The following CLCC1 variants were observed in gnomAD, a reference collection of about 807,000 sequenced individuals.
CLCC1 encodes the protein chloride channel CLIC like 1, also known as chloride channel CLIC-like protein 1.
Under a neutral mutation model 63.3 loss-of-function variants are expected in CLCC1, and 39 were observed. The observed-to-expected ratio is 0.62, with a 90% CI of 0.48 to 0.81. CLCC1 has a LOEUF of 0.81. Ranked by LOEUF, CLCC1 falls within the 30% of genes least tolerant of loss-of-function variation. The pLI, the probability that CLCC1 is intolerant of heterozygous loss-of-function variation, is 0.00. For synonymous variants in CLCC1, 217 were observed against 239.8 expected, an observed-to-expected ratio of 0.90 and a Z score of 0.88; for missense variants, 549 against 669.4, an observed-to-expected ratio of 0.82 and a Z score of 1.98.
At position 108,950,463 on chromosome 1, in the gene CLCC1, A is replaced by AAT; in HGVS notation, c.-11-17_-11-16dup. 1.4e-6 allele frequency: 2 copies of AAT among 1,422,312 alleles called. No individual in the cohort carries two copies. The highest frequency in any genetic ancestry group is 9.4e-7 in the Non-Finnish European group (1 of 1,067,908). The allele number at this position is 1,422,312 out of a possible 1,614,324, so 88.1% of individuals were successfully genotyped here. A position where few individuals can be genotyped will look rare whatever the true frequency, so the allele number is the denominator to read the frequency against. ...CCTGTATAAGGCTAAAACAATTTTT[A>AAT]ATATATATAATGAAATAGAATTATT... On this transcript the variant is annotated splice_polypyrimidine_tract_variant and intron_variant, in intron 2 of 12. Transcript: ENST00000369969.
rs1327326059 is a variant in CLCC1 at position 108,931,693 on chromosome 1, TATG to T, written c.*851_*853del. ...ATTATGTTTCATGTATACTATAAGG[TATG>T]ATGTCCTGGATAGCATTTTAAAAAC... On this transcript the variant is annotated 3_prime_UTR_variant, in exon 13 of 13. Coordinates refer to ENST00000369969, the MANE Select transcript of CLCC1 (RefSeq NM_001377458.1). 7.5e-5 allele frequency: 45 copies of T among 598,130 alleles called. No homozygotes were observed. The highest frequency in any genetic ancestry group is 8.8e-5 in the Non-Finnish European group (35 of 398,206). 37.1% of individuals were successfully genotyped at this position (598,130 alleles called of 1,614,324 possible).
intron 2 of CLCC1, among the ~76,000 whole-genome samples, chr1:108,956,488 C>T (rs1471941066): frequency 1.3e-5 from 2 of 150,982 alleles, no homozygotes; most frequent in African/African-American, 4.9e-5. Context: ...AGTGAAACCC[C>T]GTCTCTACTA....
rs1213079898 is a variant in CLCC1, at chr1:108,931,216, A to G, written c.*1331T>C. ...GGTCAAGAACCTAGGACACATAAACAAACAGAAAACAGATGAAAACTCACA... is the reference window on the plus strand; with the variant it reads ...GGTCAAGAACCTAGGACACATAAACGAACAGAAAACAGATGAAAACTCACA... On this transcript the variant is annotated 3_prime_UTR_variant, in exon 13 of 13. Transcript: ENST00000369969. 45 of 1,302,620 alleles carry G rather than the reference A, an allele frequency of 3.5e-5. No homozygotes were observed. The highest frequency in any genetic ancestry group is 3.1e-6 in the Non-Finnish European group (3 of 978,056). 80.7% of individuals were successfully genotyped at this position (1,302,620 alleles called of 1,614,324 possible). A position where few individuals can be genotyped will look rare whatever the true frequency, so the allele number is the denominator to read the frequency against.
chr1:108,937,445 T>C (rs762409089), intron 10 of CLCC1, 27 bp from the exon 11 acceptor site: 4 of 1,524,728 alleles, frequency 2.6e-6, no homozygotes, highest in South Asian at 1.3e-5. Flanking sequence ...TACATTTTCC[T>C]GAGGACTCAA....
At chr1:108,959,357 AG>A (rs1318853014) in intron 2 of CLCC1, among the ~76,000 whole-genome samples, 1 of 150,918 alleles carries the variant, frequency 6.6e-6, no homozygotes, top group African/African-American at 2.4e-5. Context: ...CCAACTCAAA[AG>A]AAAAAAAAAA....
rs114595376 is a variant in CLCC1, at chr1:108,948,784, T to C, written c.231+1036A>G. Among the ~76,000 whole-genome samples the C allele has an allele frequency of 5.0e-3, 768 of 152,342 alleles. 10 individuals carry two copies. Among genetic ancestry groups the C allele is most frequent in the African/African-American group, 0.017 (720 of 41,578 alleles). ...GCATTTTTGCTGTGCAGCCAAACTT[T>C]TGTATAGCTCACTATACAATAATAA... On this transcript the variant is annotated intron_variant, in intron 4 of 12. Transcript: ENST00000369969.
At chr1:108,936,596 T>A (rs1009375643) in intron 11 of CLCC1, among the ~76,000 whole-genome samples, 4 of 151,720 alleles carry the variant, frequency 2.6e-5, no homozygotes, top group African/African-American at 7.3e-5. Context: ...GGTGAAAAAC[T>A]TCTTCTTACC....
At chr1:108,960,045 G>T (rs1191304681) in intron 2 of CLCC1, among the ~76,000 whole-genome samples, 1 of 151,898 alleles carries the variant, frequency 6.6e-6, no homozygotes, top group East Asian at 1.9e-4. Context: ...GAGGTGGGAG[G>T]ATCACTTGAG....
chr1:108,959,105 C>T (rs968094337), intron 2 of CLCC1, among the ~76,000 whole-genome samples: 1 of 152,068 alleles, frequency 6.6e-6, no homozygotes, highest in Non-Finnish European at 1.5e-5. Context: ...ACCCGGGAGG[C>T]GGAGGTTGAG....
chr1:108,934,223 C>T (rs114503620), intron 12 of CLCC1: 1,677 of 160,242 alleles, frequency 0.01, 22 homozygotes, highest in African/African-American at 0.038. Context: ...ATCCTGGTAA[C>T]GATACTCCAT....
At chr1:108,950,211 C>G in intron 3 of CLCC1, 98 bp downstream of exon 3, 4 of 1,195,302 alleles carry the variant, frequency 3.3e-6, no homozygotes, top group Non-Finnish European at 4.7e-6. Flanking sequence ...AATCATGGAT[C>G]CATGACCCTC....
At chr1:108,939,353 C>CT (rs1653493911) in intron 10 of CLCC1, among the ~76,000 whole-genome samples, 2 of 147,768 alleles carry the variant, frequency 1.4e-5, no homozygotes, top group African/African-American at 5.0e-5. Flanking sequence ...GTCGCCCAGG[C>CT]TGGAGTACAG....
Position 108,931,504 on chromosome 1 carries a change from A to G in CLCC1, c.*1043T>C. 1.3e-6 allele frequency: 2 copies of G among 1,546,356 alleles called. No individual in the cohort carries two copies. The highest frequency in any genetic ancestry group is 1.7e-6 in the Non-Finnish European group (2 of 1,144,992). On this transcript the variant is annotated 3_prime_UTR_variant, in exon 13 of 13. Transcript: ENST00000369969. ...TGCACAGCTGGGATGGGATCTGGGG[A>G]TGTGGACCCCTATTCTTTCAAAAAG...
Position 108,929,657 on chromosome 1 carries a change from T to G in CLCC1, c.*2890A>C. The G allele has an allele frequency of 6.3e-7, 1 of 1,598,386 alleles. No homozygotes were observed. On this transcript the variant is annotated 3_prime_UTR_variant, in exon 13 of 13. Coordinates refer to ENST00000369969, the MANE Select transcript of CLCC1 (RefSeq NM_001377458.1). ...AGAGATTTAACATAGCTTGGTGCTT[T>G]CTTTCCCACAGTATGTCTTTTAATC... is the stretch of plus-strand genomic sequence containing the variant.
At chr1:108,945,083 G>A (rs780977195) in intron 5 of CLCC1, among the ~76,000 whole-genome samples, 3 of 152,130 alleles carry the variant, frequency 2.0e-5, no homozygotes, top group Non-Finnish European at 4.4e-5. Context: ...GTGTGTTTCT[G>A]TACATTCCTG....
chr1:108,943,047 C>A (rs1654045083), intron 7 of CLCC1, among the ~76,000 whole-genome samples: 1 of 152,026 alleles, frequency 6.6e-6, no homozygotes. Flanking sequence ...GTAGCTGGGA[C>A]TACAGGTGCA....
intron 2 of CLCC1, among the ~76,000 whole-genome samples, chr1:108,952,371 T>C (rs1655301852): frequency 6.6e-6 from 1 of 151,644 alleles, no homozygotes; most frequent in Non-Finnish European, 1.5e-5. Flanking sequence ...AGAGATGGGA[T>C]TTCTCCATGT....
In CLCC1 at chr1:108,939,752, T is replaced by C; in HGVS notation, c.925A>G (p.Thr309Ala). 1.2e-6 allele frequency: 2 copies of C among 1,614,084 alleles called. No individual in the cohort carries two copies. Among genetic ancestry groups the C allele is most frequent in the Non-Finnish European group, 1.7e-6 (2 of 1,179,980 alleles). Reference sequence around the variant, plus strand: ...TTTCCAATATGCTTCAATGGCTCCGTTACAAATGTGGTGAATGTAACTGCA... The same window carrying C: ...TTTCCAATATGCTTCAATGGCTCCGCTACAAATGTGGTGAATGTAACTGCA... ...ALAVTFTTFV[T>A]EPLKHIGKGT... The change falls in exon 10 of 13, where the codon ACG becomes GCG. Residue 309 changes from threonine to alanine, a missense_variant. Thr to Ala is a moderately conservative substitution (Grantham distance 58). Coordinates refer to ENST00000369969, the MANE Select transcript of CLCC1 (RefSeq NM_001377458.1).
chr1:108,952,473 C>T (rs190217925), intron 2 of CLCC1, among the ~76,000 whole-genome samples: 422 of 152,222 alleles, frequency 2.8e-3, no homozygotes, highest in Admixed American at 4.7e-3. Context: ...GCTTGGCCCC[C>T]CCTGTTTTTT....
Sources: allele counts gnomAD v4.1 joint callset (sites outside exome capture counted in the v4.1 genomes callset), GRCh38; gene constraint gnomAD v4.1.1; transcripts MANE v1.5; gene names NCBI Gene and HGNC (gene_info 2026-07-23, HGNC 2026-07-21).